The following RDX variants were observed in gnomAD, a reference collection of about 807,000 sequenced individuals.
The protein encoded by RDX is radixin.
In RDX, 32 loss-of-function variants were observed where a neutral mutation model predicts 83.7. The ratio of observed to expected loss-of-function variants is 0.38; its 90% CI spans 0.29 to 0.51. RDX has a LOEUF of 0.51. Among genes scored for constraint, RDX ranks in the 20% least tolerant of loss-of-function variants. The pLI is 0.87. For synonymous variants in RDX, 229 were observed against 222.7 expected (o/e 1.03, Z -0.25); for missense variants, 600 against 689.9 (o/e 0.87, Z 1.46).
intron 14 of RDX, among the ~76,000 whole-genome samples, chr11:110,221,551 G>C (rs1241694935): frequency 6.6e-6 from 1 of 150,994 alleles, no homozygotes; most frequent in African/African-American, 2.4e-5. Context: ...TGAGCCAAGA[G>C]TGCACCACTG....
chr11:110,241,898 G>A (rs1251546431), intron 10 of RDX, among the ~76,000 whole-genome samples: 1 of 152,104 alleles, frequency 6.6e-6, no homozygotes, highest in Non-Finnish European at 1.5e-5. Flanking sequence ...AACCTTGAGG[G>A]CATTATGTTA....
At chr11:110,220,305 T>C (rs1864199626) in intron 14 of RDX, among the ~76,000 whole-genome samples, 1 of 152,232 alleles carries the variant, frequency 6.6e-6, no homozygotes, top group African/African-American at 2.4e-5. Context: ...ATGCCAAGGC[T>C]GTAAACAAAG....
downstream of RDX, among the ~76,000 whole-genome samples, chr11:110,229,267 A>T (rs1043184984): frequency 6.6e-6 from 1 of 152,034 alleles, no homozygotes; most frequent in Non-Finnish European, 1.5e-5. Flanking sequence ...CCACAGAATT[A>T]ATCACTATTA....
rs760598960 is a variant in RDX at position 110,242,865 on chromosome 11, C to CT, written c.1090+4837dup. Among the ~76,000 whole-genome samples the CT allele has an allele frequency of 7.9e-3, 1,093 of 138,956 alleles. 7 individuals carry two copies. Among genetic ancestry groups the CT allele is most frequent in the Non-Finnish European group, 0.011 (707 of 63,454 alleles). The allele number at this position is 138,956 out of a possible 152,430, so 91.2% of individuals were successfully genotyped here. A position where few individuals can be genotyped will look rare whatever the true frequency, so the allele number is the denominator to read the frequency against. On this transcript the variant is annotated intron_variant, in intron 10 of 13. Coordinates refer to ENST00000645495, the MANE Select transcript of RDX (RefSeq NM_002906.4). Reference sequence around the variant, plus strand: ...CTCATGGAGCAAACCCAATCCAATGCTTTTTTTTTTTTTTGGTAAATTAAG... The same window carrying CT: ...CTCATGGAGCAAACCCAATCCAATGCTTTTTTTTTTTTTTTGGTAAATTAAG...
intron 10 of RDX, among the ~76,000 whole-genome samples, chr11:110,246,032 A>G (rs984951243): frequency 6.6e-6 from 1 of 152,082 alleles, no homozygotes; most frequent in Non-Finnish European, 1.5e-5. Context: ...TGAGTAGCTG[A>G]TACAACAGGC....
At chr11:110,277,244 C>A (rs1295172798) in intron 2 of RDX, among the ~76,000 whole-genome samples, 2 of 152,180 alleles carry the variant, frequency 1.3e-5, no homozygotes, top group East Asian at 3.8e-4. Flanking sequence ...ACATTCCTAA[C>A]AAAAATACAA....
intron 15 of RDX, among the ~76,000 whole-genome samples, chr11:110,192,166 A>G (rs1402596703): frequency 6.6e-6 from 1 of 152,230 alleles, no homozygotes; most frequent in African/African-American, 2.4e-5. Flanking sequence ...CCAAAACAGC[A>G]TGATATGAGC....
chr11:110,250,971 C>T (rs1426993435), intron 9 of RDX, among the ~76,000 whole-genome samples: 1 of 152,156 alleles, frequency 6.6e-6, no homozygotes, highest in Non-Finnish European at 1.5e-5. Flanking sequence ...CCCCTAAATG[C>T]TGTTCATTTT....
intron 15 of RDX, among the ~76,000 whole-genome samples, chr11:110,191,571 A>G (rs929500757): frequency 1.3e-5 from 2 of 152,226 alleles, no homozygotes; most frequent in Non-Finnish European, 2.9e-5. Context: ...AAGAGCAATC[A>G]GGTGCCAGGC....
rs545302567 is a variant in RDX at position 110,253,340 on chromosome 11, A to G, written c.959+606T>C. On this transcript the variant is annotated intron_variant, in intron 9 of 13. Transcript: ENST00000645495. ...TCTAAATTTTTTCAAGTAAAGCACA[A>G]AGTTGAAATTAATCTAAAACCAGAT... Among the ~76,000 whole-genome samples the G allele has an allele frequency of 1.3e-3, 205 of 152,332 alleles. 1 individual carries two copies. Among genetic ancestry groups the G allele is most frequent in the African/African-American group, 4.7e-3 (194 of 41,568 alleles).
intron 15 of RDX, among the ~76,000 whole-genome samples, chr11:110,199,416 G>T (rs1863317868): frequency 6.6e-6 from 1 of 152,248 alleles, no homozygotes; most frequent in African/African-American, 2.4e-5. Context: ...AGGCTGTAAA[G>T]ATAGAGGTTG....
intron 3 of RDX, among the ~76,000 whole-genome samples, chr11:110,266,861 T>A (rs1032867764): frequency 2.6e-5 from 4 of 151,790 alleles, no homozygotes; most frequent in Non-Finnish European, 5.9e-5. Context: ...ATGCTGGGAT[T>A]ATAGATGCAA....
chr11:110,221,268 C>T (rs1232181515), intron 14 of RDX, among the ~76,000 whole-genome samples: 3 of 151,998 alleles, frequency 2.0e-5, no homozygotes, highest in Admixed American at 2.0e-4. Context: ...GGCTGTACCC[C>T]CCCCAAAATA....
At position 110,216,538 on chromosome 11, in the gene RDX, TTTC is replaced by T. The variant is rs1474772039; in HGVS notation, c.1748+15332_1748+15334del. The stretch of plus-strand genomic sequence containing the variant: ...CAGGTGCGCTACCACACCAATTTTT[TTTC>T]TTTTTTTTTTTTTTTAAATAGAGAG... On this transcript the variant is annotated intron_variant, in intron 14 of 15. Transcript: ENST00000528498. 9.5e-5 allele frequency among the ~76,000 whole-genome samples: 12 copies of T among 125,798 alleles called. No homozygotes were observed. In the East Asian group the frequency reaches 1.5e-3, roughly 15 times the overall value. The allele number at this position is 125,798 out of a possible 152,430, so 82.5% of individuals were successfully genotyped here.
intron 15 of RDX, among the ~76,000 whole-genome samples, chr11:110,194,975 T>TTTTTG (rs145277513): frequency 0.11 from 16,962 of 150,964 alleles, 1,080 homozygotes; most frequent in Non-Finnish European, 0.13. Context: ...TTTTGGTTGT[T>TTTTTG]TTTTGTTTTG....
At chr11:110,240,755 A>C (rs1354614346) in intron 10 of RDX, among the ~76,000 whole-genome samples, 1 of 139,400 alleles carries the variant, frequency 7.2e-6, no homozygotes, top group Non-Finnish European at 1.5e-5. Flanking sequence ...AAAAAAAAAA[A>C]AAAAAACGGT....
chr11:110,209,334 T>C (rs1438064666), intron 14 of RDX, among the ~76,000 whole-genome samples: 4 of 149,268 alleles, frequency 2.7e-5, no homozygotes, highest in Non-Finnish European at 6.0e-5. Context: ...GCTCGGAGGG[T>C]CCTACGCCCA....
intron 14 of RDX, among the ~76,000 whole-genome samples, chr11:110,205,801 T>C (rs1397084728): frequency 6.6e-6 from 1 of 152,170 alleles, no homozygotes; most frequent in Non-Finnish European, 1.5e-5. Context: ...CAATTGATGG[T>C]TACATAGTAA....
chr11:110,235,188 A>C (rs901966096), intron 12 of RDX, among the ~76,000 whole-genome samples: 2 of 152,100 alleles, frequency 1.3e-5, no homozygotes, highest in African/African-American at 4.8e-5. Context: ...CTCCATTCTC[A>C]ACAAAAATAA....
Sources: allele counts gnomAD v4.1 joint callset (sites outside exome capture counted in the v4.1 genomes callset), GRCh38; gene constraint gnomAD v4.1.1; transcripts MANE v1.5; gene names NCBI Gene and HGNC (gene_info 2026-07-23, HGNC 2026-07-21).